Variants in RAB3C observed in about 807,000 individuals in gnomAD.
The protein encoded by RAB3C is ras-related protein Rab-3C.
Under a neutral mutation model 26.4 loss-of-function variants are expected in RAB3C, and 17 were observed. That is an observed-to-expected ratio of 0.64 (90% CI 0.44 to 0.97). RAB3C has a LOEUF of 0.97. RAB3C is among the 50% of genes least tolerant of loss of function. The probability of loss-of-function intolerance (pLI) is 0.00; values close to 1 mark genes in which losing one functional copy is unlikely to be tolerated. For missense variants in RAB3C, 242 were observed against 281.9 expected (o/e 0.86, Z 1.01); for synonymous variants, 91 against 95.9 (o/e 0.95, Z 0.30).
At chr5:58,693,622 A>G (rs960159574) in intron 2 of RAB3C, among the ~76,000 whole-genome samples, 1 of 152,172 alleles carries the variant, frequency 6.6e-6, no homozygotes, top group Non-Finnish European at 1.5e-5. Flanking sequence ...AGTGACTTCT[A>G]TTCAGCAAAA....
chr5:58,750,700 T>G (rs1741502913), intron 3 of RAB3C, among the ~76,000 whole-genome samples: 1 of 152,214 alleles, frequency 6.6e-6, no homozygotes, highest in African/African-American at 2.4e-5. Context: ...TCAATAGAGT[T>G]GTATTAATCA....
At chr5:58,726,327 CT>C (rs1217350794) in intron 3 of RAB3C, among the ~76,000 whole-genome samples, 3 of 151,924 alleles carry the variant, frequency 2.0e-5, no homozygotes, top group African/African-American at 7.2e-5. Flanking sequence ...GATGATTTTT[CT>C]GCATTTTGTT....
chr5:58,593,276 T>G (rs1203677817), intron 1 of RAB3C, among the ~76,000 whole-genome samples: 1 of 152,104 alleles, frequency 6.6e-6, no homozygotes, highest in Non-Finnish European at 1.5e-5. Context: ...AGAAACTTGT[T>G]TCCAAGTGAA....
chr5:58,614,668 C>T (rs955594946), intron 1 of RAB3C, among the ~76,000 whole-genome samples: 2 of 151,872 alleles, frequency 1.3e-5, no homozygotes, highest in African/African-American at 2.4e-5. Flanking sequence ...TATATTAGCC[C>T]TTGAAATTAA....
At chr5:58,738,854 TC>T (rs1741213006) in intron 3 of RAB3C, among the ~76,000 whole-genome samples, 1 of 152,236 alleles carries the variant, frequency 6.6e-6, no homozygotes. Context: ...CTAGCATTTT[TC>T]TTGGTCTCCC....
chr5:58,727,200 C>T (rs1740909847), intron 3 of RAB3C, among the ~76,000 whole-genome samples: 1 of 151,812 alleles, frequency 6.6e-6, no homozygotes, highest in Non-Finnish European at 1.5e-5. Context: ...GGGTCAGATA[C>T]TCTTAAAAAT....
Position 58,764,543 on chromosome 5 carries a change from G to A in RAB3C, c.371+38423G>A, listed in dbSNP as rs529180008. 1.5e-3 allele frequency among the ~76,000 whole-genome samples: 222 copies of A among 152,222 alleles called. 2 individuals carry two copies. The highest frequency in any genetic ancestry group is 5.2e-3 in the African/African-American group (216 of 41,530). On this transcript the variant is annotated intron_variant, in intron 3 of 4. Transcript: ENST00000282878. The stretch of plus-strand genomic sequence containing the variant: ...AGCCATTTTCAATTAAGCAAATAAT[G>A]TAGTATCCAGAATACTCTCTAACAT...
chr5:58,586,851 A>G (rs2111648900), intron 1 of RAB3C, among the ~76,000 whole-genome samples: 1 of 152,326 alleles, frequency 6.6e-6, no homozygotes, highest in South Asian at 2.1e-4. Flanking sequence ...TACTGTACAC[A>G]ACACCAAATT....
At chr5:58,641,387 C>A (rs188384295) in intron 2 of RAB3C, among the ~76,000 whole-genome samples, 107 of 152,232 alleles carry the variant, frequency 7.0e-4, no homozygotes, top group South Asian at 1.5e-3. Context: ...CGCCAGTGTG[C>A]GTGGTAACAA....
chr5:58,681,940 A>G (rs1378019830), intron 2 of RAB3C, among the ~76,000 whole-genome samples: 2 of 152,248 alleles, frequency 1.3e-5, no homozygotes, highest in Non-Finnish European at 2.9e-5. Context: ...GAGGCTGTGC[A>G]AAGGAAACAC....
At chr5:58,823,191 A>G (rs1743384562) in intron 3 of RAB3C, 2 of 337,696 alleles carry the variant, frequency 5.9e-6, no homozygotes, top group South Asian at 5.2e-5. Context: ...CCGTTCATAA[A>G]GAACAGCGAA....
chr5:58,786,413 G>A (rs917593533), intron 3 of RAB3C, among the ~76,000 whole-genome samples: 1 of 152,024 alleles, frequency 6.6e-6, no homozygotes, highest in Admixed American at 6.5e-5. Flanking sequence ...TTGGTGGGGG[G>A]CTGCCTGTGG....
rs529579158 is a variant in RAB3C at position 58,643,820 on chromosome 5, T to C, written c.252+25950T>C. 5.3e-5 allele frequency among the ~76,000 whole-genome samples: 8 copies of C among 152,330 alleles called. No individual in the cohort carries two copies. The East Asian group carries it at 1.2e-3, about 22-fold the overall frequency. The stretch of plus-strand genomic sequence containing the variant: ...TTAAATTGCTAAAGCAATACTGTTT[T>C]AGTTTTAGTTTTTGTTTTTGAGATG... On this transcript the variant is annotated intron_variant, in intron 2 of 4. Transcript: ENST00000282878.
intron 3 of RAB3C, among the ~76,000 whole-genome samples, chr5:58,769,784 A>G (rs1741994342): frequency 6.6e-6 from 1 of 152,236 alleles, no homozygotes; most frequent in African/African-American, 2.4e-5. Flanking sequence ...ATTTACATTT[A>G]ATATTCTACA....
intron 1 of RAB3C, among the ~76,000 whole-genome samples, chr5:58,602,516 T>A (rs1292594102): frequency 6.6e-6 from 1 of 152,188 alleles, no homozygotes; most frequent in African/African-American, 2.4e-5. Context: ...AATTGTTTTA[T>A]AAATTTGGGA....
rs1242018944 is a variant in RAB3C at position 58,821,331 on chromosome 5, A to T, written c.372-3707A>T. 6.6e-5 allele frequency among the ~76,000 whole-genome samples: 10 copies of T among 152,352 alleles called. No homozygotes were observed. In the East Asian group the frequency reaches 1.9e-3, roughly 29 times the overall value. On this transcript the variant is annotated intron_variant, in intron 3 of 4. Coordinates refer to ENST00000282878, the MANE Select transcript of RAB3C (RefSeq NM_138453.4). Reference sequence around the variant, plus strand: ...TCCAAGCCCCTGGCTTACAAGACCTATAGGAACAAGAGATCATTTCTTTTA... The same window carrying T: ...TCCAAGCCCCTGGCTTACAAGACCTTTAGGAACAAGAGATCATTTCTTTTA...
intron 2 of RAB3C, among the ~76,000 whole-genome samples, chr5:58,634,158 G>C (rs1282842953): frequency 6.6e-6 from 1 of 151,176 alleles, no homozygotes; most frequent in Non-Finnish European, 1.5e-5. Context: ...AAAAAAAATT[G>C]TTTGTTTGTA....
At chr5:58,630,255 T>A (rs901276412) in intron 2 of RAB3C, among the ~76,000 whole-genome samples, 1 of 152,276 alleles carries the variant, frequency 6.6e-6, no homozygotes. Context: ...AGGGCTGTTT[T>A]AAGGAATTAC....
intron 4 of RAB3C, among the ~76,000 whole-genome samples, chr5:58,830,027 C>T (rs1743577430): frequency 6.6e-6 from 1 of 152,038 alleles, no homozygotes; most frequent in Non-Finnish European, 1.5e-5. Context: ...GTAAACAGGG[C>T]TGAGTGTAAC....
Sources: gnomAD v4.1 joint callset for allele counts (sites outside exome capture counted in the v4.1 genomes callset) on GRCh38, gnomAD v4.1.1 for gene constraint, MANE v1.5 for transcripts, NCBI Gene and HGNC (gene_info 2026-07-23, HGNC 2026-07-21) for gene names.